The following RIPOR2 variants were observed in gnomAD, a reference collection of about 807,000 sequenced individuals.
RIPOR2 encodes RHO family interacting cell polarization regulator 2.
Under a neutral mutation model 114.5 loss-of-function variants are expected in RIPOR2, and 39 were observed. That is an observed-to-expected ratio of 0.34 (90% CI 0.26 to 0.44). The LOEUF is 0.44. Ranked by LOEUF, RIPOR2 falls within the 20% of genes least tolerant of loss-of-function variation. The pLI, the probability that RIPOR2 is intolerant of heterozygous loss-of-function variation, is 1.00. For synonymous variants in RIPOR2, 445 were observed against 484.4 expected, an observed-to-expected ratio of 0.92 and a Z score of 1.07; for missense variants, 1,007 against 1,255.1, an observed-to-expected ratio of 0.80 and a Z score of 2.99.
intron 1 of RIPOR2, among the ~76,000 whole-genome samples, chr6:24,991,419 T>G (rs1399522596): frequency 1.3e-5 from 2 of 152,234 alleles, no homozygotes; most frequent in Non-Finnish European, 2.9e-5. Context: ...TTGGGTAGCT[T>G]GTCTGGTGGT....
At chr6:24,930,744 G>A (rs866449957) in intron 1 of RIPOR2, among the ~76,000 whole-genome samples, 17 of 152,154 alleles carry the variant, frequency 1.1e-4, no homozygotes, top group South Asian at 8.3e-4. Context: ...CCAGGAATTC[G>A]GGGGTGGAAA....
intron 1 of RIPOR2, among the ~76,000 whole-genome samples, chr6:24,886,432 C>T (rs1766841563): frequency 1.3e-5 from 2 of 152,138 alleles, no homozygotes; most frequent in South Asian, 4.1e-4. Context: ...CATGTATTGT[C>T]CCTCCTCCCC....
intron 1 of RIPOR2, among the ~76,000 whole-genome samples, chr6:24,961,603 C>T (rs1773311236): frequency 6.7e-6 from 1 of 149,656 alleles, no homozygotes; most frequent in Non-Finnish European, 1.5e-5. Context: ...TTATTTTGTG[C>T]TTACTTTGGG....
At chr6:24,884,054 CTTT>C (rs139402739) in intron 1 of RIPOR2, among the ~76,000 whole-genome samples, 5,694 of 152,262 alleles carry the variant, frequency 0.037, 165 homozygotes, top group Non-Finnish European at 0.058. Flanking sequence ...GTTGACTAAT[CTTT>C]TTTAAAAAGT....
chr6:24,898,845 T>A (rs1768133628), intron 1 of RIPOR2, among the ~76,000 whole-genome samples: 1 of 152,104 alleles, frequency 6.6e-6, no homozygotes. Context: ...TGCTCCGTCA[T>A]AACAAAAACA....
Position 24,873,679 on chromosome 6 carries a change from C to T in RIPOR2, c.309G>A (p.Val103=), listed in dbSNP as rs1275287330. 3 of 1,613,632 alleles carry T rather than the reference C, an allele frequency of 1.9e-6. No individual in the cohort carries two copies. In the East Asian group the frequency reaches 6.7e-5, roughly 36 times the overall value. The stretch of plus-strand genomic sequence containing the variant: ...TTTTCAAGGCCCTGTAGACTTCTTC[C>T]ACCCTTTTAGGCTGAGGCTCTTTGG... The part of the protein sequence containing the change: ...NPPKEPQPKR[V]EEVYRALKNG... Residue 103 remains valine (V), a synonymous_variant, in exon 3 of 22, where the codon GTG becomes GTA. Coordinates refer to ENST00000643898, the MANE Select transcript of RIPOR2 (RefSeq NM_001286445.3).
At chr6:24,878,683 G>A (rs1431211111) in intron 1 of RIPOR2, among the ~76,000 whole-genome samples, 1 of 152,082 alleles carries the variant, frequency 6.6e-6, no homozygotes, top group Non-Finnish European at 1.5e-5. Flanking sequence ...GGTATGGGGA[G>A]GGTTGTAAAG....
chr6:24,839,534 T>A, intron 13 of RIPOR2: 1 of 1,403,800 alleles, frequency 7.1e-7, no homozygotes, highest in South Asian at 1.3e-5. Flanking sequence ...AGATTGGCCA[T>A]GAGTTGATCA....
At chr6:25,034,225 C>A (rs1033235326) in intron 1 of RIPOR2, among the ~76,000 whole-genome samples, 1 of 147,068 alleles carries the variant, frequency 6.8e-6, no homozygotes, top group African/African-American at 2.5e-5. Context: ...ATACAACATG[C>A]GCATATTAGC....
At chr6:25,031,753 A>G (rs1776987092) in intron 1 of RIPOR2, among the ~76,000 whole-genome samples, 10 of 104,968 alleles carry the variant, frequency 9.5e-5, no homozygotes, top group Admixed American at 2.0e-4. Flanking sequence ...ATATATATAA[A>G]ATATCCATAG....
At chr6:24,948,748 C>T (rs391867) in intron 1 of RIPOR2, among the ~76,000 whole-genome samples, 81,785 of 151,986 alleles carry the variant, frequency 0.54, 22,557 homozygotes, top group Middle Eastern at 0.61. Flanking sequence ...TCAGGCTGGT[C>T]TCAAACTCCC....
At chr6:24,989,614 A>G (rs1774698868) in intron 1 of RIPOR2, among the ~76,000 whole-genome samples, 2 of 152,146 alleles carry the variant, frequency 1.3e-5, no homozygotes, top group Admixed American at 1.3e-4. Context: ...TCTTAAAATT[A>G]TAAGATTTAT....
chr6:24,935,744 C>A, intron 1 of RIPOR2, 94 bp downstream of exon 1: 1 of 846,620 alleles, frequency 1.2e-6, no homozygotes. Context: ...TTTCAAAATA[C>A]TCAAGTCCTT....
chr6:24,964,264 C>T (rs2114226827), intron 1 of RIPOR2, among the ~76,000 whole-genome samples: 1 of 152,162 alleles, frequency 6.6e-6, no homozygotes, highest in African/African-American at 2.4e-5. Context: ...CTACAGAGCT[C>T]TCCCTCATGC....
At chr6:24,822,038 C>T (rs931407789) in intron 19 of RIPOR2, among the ~76,000 whole-genome samples, 2 of 152,172 alleles carry the variant, frequency 1.3e-5, no homozygotes, top group Non-Finnish European at 2.9e-5. Context: ...CTGTAGTGAG[C>T]TATGATTGCA....
intron 1 of RIPOR2, among the ~76,000 whole-genome samples, chr6:24,970,831 G>A (rs1773753596): frequency 2.0e-5 from 3 of 152,174 alleles, no homozygotes; most frequent in Non-Finnish European, 4.4e-5. Context: ...TCTGCACTCT[G>A]TAGTCAGACG....
intron 1 of RIPOR2, among the ~76,000 whole-genome samples, chr6:24,917,808 C>T (rs910107190): frequency 1.3e-5 from 2 of 152,166 alleles, no homozygotes; most frequent in African/African-American, 4.8e-5. Context: ...GGATTATAGG[C>T]GTGAGCCACC....
intron 19 of RIPOR2, among the ~76,000 whole-genome samples, chr6:24,824,457 A>C (rs924762356): frequency 6.6e-6 from 1 of 152,246 alleles, no homozygotes; most frequent in African/African-American, 2.4e-5. Context: ...GGCCATGTTT[A>C]ACTTTCTTGA....
intron 19 of RIPOR2, among the ~76,000 whole-genome samples, chr6:24,820,326 C>T (rs9348649): frequency 0.3 from 45,709 of 151,996 alleles, 7,776 homozygotes; most frequent in East Asian, 0.69. Flanking sequence ...CCACTGCACA[C>T]GGCCCCTGTT....
Sources: gnomAD v4.1 joint callset for allele counts (sites outside exome capture counted in the v4.1 genomes callset) on GRCh38, gnomAD v4.1.1 for gene constraint, MANE v1.5 for transcripts, NCBI Gene and HGNC (gene_info 2026-07-23, HGNC 2026-07-21) for gene names.